Variants in GBP7 observed in about 807,000 individuals in gnomAD.
The protein encoded by GBP7 is guanylate binding protein 7, also known as guanylate-binding protein 7.
GBP7 carries 43 observed loss-of-function variants against 61.3 expected under a neutral mutation model. The observed-to-expected ratio is 0.70, with a 90% confidence interval of 0.55 to 0.91. GBP7 has a LOEUF of 0.91. GBP7 is among the 40% of genes least tolerant of loss of function. GBP7 has a pLI of 0.00. For synonymous variants in GBP7, 267 were observed against 271.0 expected (o/e 0.99, Z 0.14); for missense variants, 717 against 740.5 (o/e 0.97, Z 0.37).
intron 3 of GBP7, among the ~76,000 whole-genome samples, chr1:89,157,182 A>G (rs1377581589): frequency 6.6e-6 from 1 of 152,232 alleles, no homozygotes; most frequent in Non-Finnish European, 1.5e-5. Context: ...ACATACCAGA[A>G]TCTCTGGGAC....
intron 7 of GBP7, 38 bp from the exon 8 acceptor site, chr1:89,147,817 CT>C: frequency 1.9e-6 from 3 of 1,604,814 alleles, no homozygotes; most frequent in Non-Finnish European, 2.6e-6. Flanking sequence ...TAGAAAGAAG[CT>C]GTTAGAAGGG....
Position 89,164,840 on chromosome 1 carries a change from G to A in GBP7, c.209C>T (p.Thr70Ile), listed in dbSNP as rs191137968. ...GATGCCTTTGGTTTCAGACTTCACTGTGCAGCCCAGAGGGAAGCCTTCAAG... is the reference window on the plus strand; with the variant it reads ...GATGCCTTTGGTTTCAGACTTCACTATGCAGCCCAGAGGGAAGCCTTCAAG... ...GKNKGFPLGC[T>I]VKSETKGIWM... Residue 70 changes from threonine (T) to isoleucine (I), a missense_variant, in exon 3 of 11, where the codon ACA (threonine) becomes ATA (isoleucine). By Grantham distance (89) the Thr-to-Ile change is moderately conservative. Transcript: ENST00000294671. The A allele has an allele frequency of 7.4e-6, 12 of 1,613,816 alleles. No homozygotes were observed. The African/African-American group carries it at 9.3e-5, about 13-fold the overall frequency.
At chr1:89,150,987 C>T (rs1682184716) in intron 5 of GBP7, among the ~76,000 whole-genome samples, 2 of 152,154 alleles carry the variant, frequency 1.3e-5, no homozygotes. Flanking sequence ...TATACATGTA[C>T]ATAGTGAAAT....
At position 89,147,581 on chromosome 1, in the gene GBP7, T is replaced by G; in HGVS notation, c.1351A>C (p.Arg451=). 6.2e-7 allele frequency: 1 copy of G among 1,613,752 alleles called. No individual in the cohort carries two copies. Among genetic ancestry groups the G allele is most frequent in the Non-Finnish European group, 8.5e-7 (1 of 1,179,630 alleles). ...KIEQDYTLVP[R]KGVKADEVLQ... ...TTATTCCTCACCTTAACTCCTTTTC[T>G]GGGCACTAGTGTATAGTCCTGTTCA... Residue 451 remains arginine (R), a synonymous_variant, in exon 8 of 11, where the codon AGA becomes CGA. Transcript: ENST00000294671.
intron 3 of GBP7, among the ~76,000 whole-genome samples, chr1:89,159,330 G>A (rs187470023): frequency 3.3e-4 from 50 of 152,236 alleles, no homozygotes; most frequent in African/African-American, 1.2e-3. Context: ...AACACCAAAA[G>A]CAATGGCAAC....
intron 3 of GBP7, among the ~76,000 whole-genome samples, chr1:89,158,748 A>G (rs1403526785): frequency 6.6e-6 from 1 of 152,232 alleles, no homozygotes; most frequent in African/African-American, 2.4e-5. Context: ...ATGTTCATGG[A>G]TAGGAAGAAT....
intron 3 of GBP7, among the ~76,000 whole-genome samples, chr1:89,161,395 G>T (rs1647264748): frequency 6.6e-6 from 1 of 152,094 alleles, no homozygotes; most frequent in African/African-American, 2.4e-5. Context: ...CACCAACAAT[G>T]GATAAGTGTT....
chr1:89,143,903 G>C (rs1570344960), intron 8 of GBP7, among the ~76,000 whole-genome samples: 1 of 152,196 alleles, frequency 6.6e-6, no homozygotes, highest in East Asian at 1.9e-4. Flanking sequence ...TGATCAATGG[G>C]GTTCGCATGC....
At chr1:89,135,809 A>G (rs1681787485) in intron 9 of GBP7, among the ~76,000 whole-genome samples, 2 of 152,124 alleles carry the variant, frequency 1.3e-5, no homozygotes, top group South Asian at 4.1e-4. Context: ...ATCCACACAT[A>G]TCAATATTAA....
chr1:89,163,226 T>TTTG (rs1372216817), intron 3 of GBP7, among the ~76,000 whole-genome samples: 1 of 152,168 alleles, frequency 6.6e-6, no homozygotes, highest in Non-Finnish European at 1.5e-5. Context: ...AATTTTCTCT[T>TTTG]TTGTTGTTGT....
chr1:89,134,298 T>G (rs1268831134), intron 9 of GBP7, among the ~76,000 whole-genome samples: 1 of 152,222 alleles, frequency 6.6e-6, no homozygotes, highest in Non-Finnish European at 1.5e-5. Context: ...CACATACCTG[T>G]GCAGACCCTG....
rs756902661 is a variant in GBP7, at chr1:89,141,603, C to T, written c.1411G>A (p.Glu471Lys). 3 of 1,613,866 alleles carry T rather than the reference C, an allele frequency of 1.9e-6. No individual in the cohort carries two copies. Among genetic ancestry groups the T allele is most frequent in the Non-Finnish European group, 1.7e-6 (2 of 1,179,836 alleles). ...QSFLQSQVVI[E>K]ESILQSDKAL... The stretch of plus-strand genomic sequence containing the variant: ...TTGTCTGACTGCAGGATGGATTCCT[C>T]TATAACCACCTGTGACTGCAGGAAG... Residue 471 changes from glutamate (E) to lysine (K), a missense_variant, in exon 9 of 11, where the codon GAG (glutamate) becomes AAG (lysine). Transcript: ENST00000294671.
intron 9 of GBP7, among the ~76,000 whole-genome samples, chr1:89,138,024 ACCGAGAACACAAT>A (rs1681847517): frequency 6.6e-6 from 1 of 152,104 alleles, no homozygotes; most frequent in Non-Finnish European, 1.5e-5. Context: ...TGAAAGTCAA[ACCGAGAACACAAT>A]CCTATTCACA....
At chr1:89,134,610 A>G (rs957484094) in intron 9 of GBP7, among the ~76,000 whole-genome samples, 1 of 151,972 alleles carries the variant, frequency 6.6e-6, no homozygotes, top group Non-Finnish European at 1.5e-5. Context: ...TCCAGAAAAA[A>G]AAAAAAAAAA....
chr1:89,152,388 A>T lies in GBP7; in HGVS notation c.505T>A (p.Phe169Ile). ...RPDEVEDSSE[F>I]VSFFPDFIWT... is the part of the protein sequence containing the mutation. Reference sequence around the variant, plus strand: ...ATAAAGTCTGGAAAGAAACTCACAAACTCGCTGGAGTCCTCAACTTCATCA... The same window carrying T: ...ATAAAGTCTGGAAAGAAACTCACAATCTCGCTGGAGTCCTCAACTTCATCA... Residue 169 changes from phenylalanine to isoleucine, a missense_variant, in exon 5 of 11, where the codon TTT becomes ATT. Physicochemically the swap from Phe to Ile is conservative, Grantham distance 21. Coordinates refer to ENST00000294671, the MANE Select transcript of GBP7 (RefSeq NM_207398.3). The T allele has an allele frequency of 6.2e-7, 1 of 1,613,688 alleles. No homozygotes were observed. Among genetic ancestry groups the T allele is most frequent in the African/African-American group, 1.3e-5 (1 of 74,838 alleles).
intron 9 of GBP7, among the ~76,000 whole-genome samples, chr1:89,141,128 T>C (rs547552480): frequency 2.0e-5 from 3 of 151,352 alleles, no homozygotes; most frequent in African/African-American, 7.3e-5. Context: ...AAATAATCTG[T>C]ACAACAAATT....
rs778705635 is a variant in GBP7, at chr1:89,150,216, C to A, written c.871+114G>T. The A allele has an allele frequency of 3.5e-4, 336 of 972,734 alleles. 1 individual carries two copies. The highest frequency in any genetic ancestry group is 2.5e-4 in the Non-Finnish European group (160 of 640,862). 60.3% of individuals were successfully genotyped at this position (972,734 alleles called of 1,614,324 possible). A position where few individuals can be genotyped will look rare whatever the true frequency, so the allele number is the denominator to read the frequency against. ...GAAAAAATCCTTCACTTATCCCACA[C>A]CTCATAACACAGATGTTATCTCCTT... On this transcript the variant is annotated intron_variant, in intron 6 of 10. Transcript: ENST00000294671.
chr1:89,132,412 G>A lies in GBP7; in HGVS notation c.1663-9C>T. On this transcript the variant is annotated splice_polypyrimidine_tract_variant and intron_variant, in intron 10 of 10. Coordinates refer to ENST00000294671, the MANE Select transcript of GBP7 (RefSeq NM_207398.3). ...AGCAGTTCTTCTAGGACCTATAAAAGTAAAAGAGCCTACTTTTGAAAATCC... is the reference window on the plus strand; with the variant it reads ...AGCAGTTCTTCTAGGACCTATAAAAATAAAAGAGCCTACTTTTGAAAATCC... The A allele has an allele frequency of 6.4e-7, 1 of 1,562,820 alleles. No homozygotes were observed. The highest frequency in any genetic ancestry group is 2.3e-5 in the East Asian group (1 of 44,426).
chr1:89,150,253 G>A lies in GBP7; in HGVS notation c.871+77C>T, dbSNP rs146229009. On this transcript the variant is annotated intron_variant, in intron 6 of 10. Transcript: ENST00000294671. Reference sequence around the variant, plus strand: ...GATGTTATCTCCTTACCAGTTGTTCGTGCTCATAAGCTTAGTTTACTAGTT... The same window carrying A: ...GATGTTATCTCCTTACCAGTTGTTCATGCTCATAAGCTTAGTTTACTAGTT... The A allele has an allele frequency of 3.0e-3, 3,994 of 1,347,088 alleles. 15 individuals carry two copies. Among genetic ancestry groups the A allele is most frequent in the Middle Eastern group, 0.014 (70 of 4,828 alleles). 83.4% of individuals were successfully genotyped at this position (1,347,088 alleles called of 1,614,324 possible).
Sources: allele counts gnomAD v4.1 joint callset (sites outside exome capture counted in the v4.1 genomes callset), GRCh38; gene constraint gnomAD v4.1.1; transcripts MANE v1.5; gene names NCBI Gene and HGNC (gene_info 2026-07-23, HGNC 2026-07-21).